Variants in SLC5A8 observed in about 807,000 individuals in gnomAD.
The protein encoded by SLC5A8 is sodium-coupled monocarboxylate transporter 1.
In SLC5A8, 55 loss-of-function variants were observed where a neutral mutation model predicts 71.9. The observed-to-expected ratio is 0.77, with a 90% CI of 0.62 to 0.96. The LOEUF (loss-of-function observed/expected upper bound fraction) is 0.96, where lower values mean the gene tolerates loss of function less well. SLC5A8 is among the 40% of genes least tolerant of loss of function. SLC5A8 has a pLI of 0.00. For synonymous variants in SLC5A8, 307 were observed against 276.1 expected (o/e 1.11, Z -1.11); for missense variants, 701 against 745.3 (o/e 0.94, Z 0.69).
intron 2 of SLC5A8, among the ~76,000 whole-genome samples, chr12:101,203,179 T>C (rs1379815854): frequency 2.6e-5 from 4 of 152,244 alleles, no homozygotes; most frequent in Non-Finnish European, 5.9e-5. Context: ...GAATGCAAGC[T>C]ACCAGGCTCA....
At chr12:101,205,100 G>A (rs1869623266) in intron 1 of SLC5A8, among the ~76,000 whole-genome samples, 1 of 152,126 alleles carries the variant, frequency 6.6e-6, no homozygotes. Context: ...TTCTGACCAA[G>A]AGGAAATCAC....
intron 6 of SLC5A8, among the ~76,000 whole-genome samples, chr12:101,189,732 C>T (rs1398526047): frequency 1.3e-5 from 2 of 152,194 alleles, no homozygotes; most frequent in East Asian, 3.9e-4. Context: ...TGCCTTCCTA[C>T]TCTTCTCCAC....
intron 12 of SLC5A8, among the ~76,000 whole-genome samples, chr12:101,164,308 C>T (rs2051749899): frequency 1.3e-5 from 2 of 152,052 alleles, no homozygotes; most frequent in South Asian, 2.1e-4. Context: ...ATAACTAAGT[C>T]GCAAAAGTAA....
intron 9 of SLC5A8, among the ~76,000 whole-genome samples, chr12:101,182,084 T>C (rs939182470): frequency 6.6e-6 from 1 of 152,196 alleles, no homozygotes; most frequent in African/African-American, 2.4e-5. Context: ...ATTTGAGACA[T>C]CTGGGAACTG....
chr12:101,177,118 A>T (rs992010482), intron 10 of SLC5A8, among the ~76,000 whole-genome samples: 1 of 152,186 alleles, frequency 6.6e-6, no homozygotes, highest in East Asian at 1.9e-4. Flanking sequence ...AGGATAGTAC[A>T]GAACTACTAT....
intron 9 of SLC5A8, among the ~76,000 whole-genome samples, chr12:101,180,751 G>A (rs534506741): frequency 1.3e-4 from 19 of 150,152 alleles, no homozygotes; most frequent in Admixed American, 7.2e-4. Flanking sequence ...ACGGGGTGTC[G>A]CTATGTTGCC....
chr12:101,192,544 G>A (rs2625154), intron 5 of SLC5A8, among the ~76,000 whole-genome samples: 40,007 of 152,018 alleles, frequency 0.26, 5,745 homozygotes, highest in East Asian at 0.53. Context: ...AACGGAAGGC[G>A]TTTTCAATAT....
chr12:101,158,140 T>C (rs1175141598), intron 14 of SLC5A8, 109 bp downstream of exon 14: 4 of 792,896 alleles, frequency 5.0e-6, no homozygotes, highest in Non-Finnish European at 8.6e-6. Flanking sequence ...ATAGGGTCTA[T>C]ACCTTCCTTG....
intron 4 of SLC5A8, among the ~76,000 whole-genome samples, chr12:101,194,709 T>TC (rs1869084280): frequency 2.0e-5 from 3 of 152,168 alleles, no homozygotes; most frequent in Admixed American, 1.3e-4. Context: ...ATTCCTGGGC[T>TC]CCAGTGATCC....
At chr12:101,205,838 A>G (rs1264242801) in intron 1 of SLC5A8, among the ~76,000 whole-genome samples, 1 of 152,248 alleles carries the variant, frequency 6.6e-6, no homozygotes, top group Non-Finnish European at 1.5e-5. Flanking sequence ...TGCATATATA[A>G]GTAAATAATC....
At position 101,157,298 on chromosome 12, in the gene SLC5A8, C is replaced by G; in HGVS notation, c.1814G>C (p.Ser605Thr). The G allele has an allele frequency of 6.2e-7, 1 of 1,613,364 alleles. No homozygotes were observed. Among genetic ancestry groups the G allele is most frequent in the Non-Finnish European group, 8.5e-7 (1 of 1,179,660 alleles). ...GCAGCTTCACAAACGAGTCCCATTG[C>G]TCTTGCCACTCTGATCTGAGTTCAA... ...IELNSDQSGKSNGTRL is the reference protein window; with the variant it reads ...IELNSDQSGKTNGTRL The change falls in exon 15 of 15, where the codon AGC becomes ACC. Residue 605 changes from serine to threonine, a missense_variant. Transcript: ENST00000536262.
chr12:101,196,868 C>T (rs1223066078), intron 3 of SLC5A8, among the ~76,000 whole-genome samples: 1 of 152,168 alleles, frequency 6.6e-6, no homozygotes, highest in Non-Finnish European at 1.5e-5. Flanking sequence ...CTGGGCCACT[C>T]AACAGCCTAA....
intron 8 of SLC5A8, among the ~76,000 whole-genome samples, chr12:101,183,867 C>T (rs896163786): frequency 1.3e-5 from 2 of 152,142 alleles, no homozygotes; most frequent in South Asian, 2.1e-4. Flanking sequence ...ATCAACCGAT[C>T]GTCATTATTG....
At chr12:101,202,492 A>G (rs1869498336) in intron 2 of SLC5A8, among the ~76,000 whole-genome samples, 1 of 152,124 alleles carries the variant, frequency 6.6e-6, no homozygotes, top group South Asian at 2.1e-4. Context: ...GCAAATGGTC[A>G]CTGATCCACC....
At chr12:101,187,355 A>T (rs1402671975) in intron 7 of SLC5A8, 31 bp downstream of exon 7, 18 of 1,593,644 alleles carry the variant, frequency 1.1e-5, no homozygotes, top group Non-Finnish European at 1.5e-5. Flanking sequence ...AATATTATTA[A>T]TACACCTGTA....
rs573824199 is a variant in SLC5A8 at position 101,185,064 on chromosome 12, G to A, written c.964-842C>T. 8.6e-5 allele frequency among the ~76,000 whole-genome samples: 13 copies of A among 152,030 alleles called. No individual in the cohort carries two copies. The East Asian group carries it at 9.7e-4, about 11-fold the overall frequency. ...AGTAGATGACATGTCCTATTTTATCGGCTTCCATAGCCTCTTCAATTTCAT... is the reference window on the plus strand; with the variant it reads ...AGTAGATGACATGTCCTATTTTATCAGCTTCCATAGCCTCTTCAATTTCAT... On this transcript the variant is annotated intron_variant, in intron 7 of 14. Coordinates refer to ENST00000536262, the MANE Select transcript of SLC5A8 (RefSeq NM_145913.5).
At chr12:101,171,652 C>T (rs2051830899) in intron 10 of SLC5A8, among the ~76,000 whole-genome samples, 1 of 152,042 alleles carries the variant, frequency 6.6e-6, no homozygotes, top group Non-Finnish European at 1.5e-5. Flanking sequence ...GGCAGACTCG[C>T]CAATGATGGG....
chr12:101,197,888 C>T (rs989723227), intron 3 of SLC5A8, among the ~76,000 whole-genome samples: 1 of 152,004 alleles, frequency 6.6e-6, no homozygotes, highest in Admixed American at 6.6e-5. Context: ...AATATACATT[C>T]TTTTTGAGAG....
chr12:101,189,205 T>C (rs1192589885), intron 6 of SLC5A8, among the ~76,000 whole-genome samples: 1 of 152,208 alleles, frequency 6.6e-6, no homozygotes, highest in African/African-American at 2.4e-5. Flanking sequence ...GTATCAGCTC[T>C]AGTATAGATT....
Sources: gnomAD v4.1 joint callset for allele counts (sites outside exome capture counted in the v4.1 genomes callset) on GRCh38, gnomAD v4.1.1 for gene constraint, MANE v1.5 for transcripts, NCBI Gene and HGNC (gene_info 2026-07-23, HGNC 2026-07-21) for gene names.